Variants in KCNIP3 observed in about 807,000 individuals in gnomAD.
The protein encoded by KCNIP3 is calsenilin.
KCNIP3 carries 28 observed loss-of-function variants against 35.0 expected under a neutral mutation model. That is an observed-to-expected ratio of 0.80 (90% CI 0.59 to 1.10). The LOEUF is 1.10. Ranked by LOEUF, KCNIP3 falls within the 50% of genes least tolerant of loss-of-function variation. The pLI is 0.00. For synonymous variants in KCNIP3, 134 were observed against 133.8 expected (o/e 1.00, Z -0.01); for missense variants, 295 against 338.4 (o/e 0.87, Z 1.01).
At chr2:95,333,233 T>G (rs550844918) in intron 2 of KCNIP3, among the ~76,000 whole-genome samples, 6 of 152,248 alleles carry the variant, frequency 3.9e-5, no homozygotes, top group East Asian at 1.9e-4. Context: ...ACTATCTGCC[T>G]GCACCTCTAG....
At chr2:95,383,047 A>G (rs1680386398) in intron 7 of KCNIP3, among the ~76,000 whole-genome samples, 185 bp from the exon 8 acceptor site, 4 of 152,226 alleles carry the variant, frequency 2.6e-5, no homozygotes, top group Admixed American at 6.5e-5. Flanking sequence ...GGAGGTGGCT[A>G]TGAAGGGTGG....
At chr2:95,330,474 C>A (rs1226762538) in intron 2 of KCNIP3, among the ~76,000 whole-genome samples, 1 of 152,196 alleles carries the variant, frequency 6.6e-6, no homozygotes, top group East Asian at 1.9e-4. Context: ...AGCTCCACTA[C>A]CAACTTCACT....
chr2:95,380,555 C>T (rs995375612), intron 5 of KCNIP3, among the ~76,000 whole-genome samples: 4 of 152,148 alleles, frequency 2.6e-5, no homozygotes, highest in Non-Finnish European at 5.9e-5. Context: ...TTTAAACCTT[C>T]CAAGAGGTAG....
At chr2:95,316,869 T>C (rs2104219920) in intron 2 of KCNIP3, among the ~76,000 whole-genome samples, 2 of 152,346 alleles carry the variant, frequency 1.3e-5, no homozygotes, top group South Asian at 4.1e-4. Flanking sequence ...TTTTGATGAC[T>C]GAAGGCACTC....
chr2:95,352,982 C>T (rs945734644), intron 2 of KCNIP3, among the ~76,000 whole-genome samples: 1 of 152,212 alleles, frequency 6.6e-6, no homozygotes, highest in Non-Finnish European at 1.5e-5. Flanking sequence ...TTGGGGGTTC[C>T]CAGGCATCTG....
At chr2:95,379,126 A>T (rs1293002808) in intron 5 of KCNIP3, among the ~76,000 whole-genome samples, 1 of 151,452 alleles carries the variant, frequency 6.6e-6, no homozygotes, top group African/African-American at 2.4e-5. Context: ...CCGTCCCCCC[A>T]GCCCCCCACC....
At chr2:95,356,616 C>T (rs1273057508) in intron 2 of KCNIP3, among the ~76,000 whole-genome samples, 3 of 152,160 alleles carry the variant, frequency 2.0e-5, no homozygotes, top group Admixed American at 1.3e-4. Flanking sequence ...ATCGTTTCCC[C>T]ATTTCTTGTT....
intron 1 of KCNIP3, among the ~76,000 whole-genome samples, chr2:95,304,789 G>A (rs1678130564): frequency 6.6e-6 from 1 of 152,118 alleles, no homozygotes; most frequent in South Asian, 2.1e-4. Flanking sequence ...CATCACCCAC[G>A]CCATCTTTTT....
At chr2:95,303,811 G>C (rs1027017888) in intron 1 of KCNIP3, among the ~76,000 whole-genome samples, 21 of 152,228 alleles carry the variant, frequency 1.4e-4, no homozygotes, top group African/African-American at 4.8e-4. Flanking sequence ...ATCCGGATCA[G>C]TCCTGTCCAA....
chr2:95,324,783 C>T (rs1573490714), intron 2 of KCNIP3, among the ~76,000 whole-genome samples: 5 of 151,178 alleles, frequency 3.3e-5, no homozygotes, highest in South Asian at 2.1e-4. Flanking sequence ...TAGTGGCGGG[C>T]GCCTGTAGTC....
At chr2:95,325,009 A>C (rs1298033384) in intron 2 of KCNIP3, among the ~76,000 whole-genome samples, 1 of 152,214 alleles carries the variant, frequency 6.6e-6, no homozygotes, top group African/African-American at 2.4e-5. Flanking sequence ...TGGCTGGCTG[A>C]GGCTGGGCTG....
intron 2 of KCNIP3, among the ~76,000 whole-genome samples, chr2:95,325,109 C>T (rs1352671646): frequency 6.6e-6 from 1 of 152,080 alleles, no homozygotes; most frequent in African/African-American, 2.4e-5. Flanking sequence ...CTGGCTGGGC[C>T]CCTGCCAGCC....
chr2:95,310,313 C>T, intron 1 of KCNIP3, 42 bp from the exon 2 acceptor site: 1 of 1,613,130 alleles, frequency 6.2e-7, no homozygotes, highest in Non-Finnish European at 8.5e-7. Flanking sequence ...GGTCCCCCCT[C>T]TGAGCAGGGG....
At chr2:95,298,370 C>A (rs1473959539) in intron 1 of KCNIP3, among the ~76,000 whole-genome samples, 9 of 152,050 alleles carry the variant, frequency 5.9e-5, no homozygotes, top group Non-Finnish European at 1.3e-4. Context: ...TCAGGCCTGC[C>A]CTGTATCACC....
intron 2 of KCNIP3, among the ~76,000 whole-genome samples, chr2:95,335,855 T>C (rs1299052293): frequency 6.6e-6 from 1 of 152,222 alleles, no homozygotes; most frequent in Non-Finnish European, 1.5e-5. Context: ...ATATCCTCCT[T>C]AAATTCTTTT....
chr2:95,336,684 C>T lies in KCNIP3; in HGVS notation c.181+26164C>T, dbSNP rs1286791628. On this transcript the variant is annotated intron_variant, in intron 2 of 8. Coordinates refer to ENST00000295225, the MANE Select transcript of KCNIP3 (RefSeq NM_013434.5). The stretch of plus-strand genomic sequence containing the variant: ...TAAAGAGCATTGAGTTTTGTTTTGG[C>T]GAGCATTTAAATTCCTGGCAAATCA... 5.9e-5 allele frequency among the ~76,000 whole-genome samples: 9 copies of T among 152,138 alleles called. No individual in the cohort carries two copies. In the East Asian group the frequency reaches 1.7e-3, roughly 29 times the overall value.
chr2:95,369,376 A>AT (rs1679988801), intron 2 of KCNIP3, among the ~76,000 whole-genome samples: 1 of 152,158 alleles, frequency 6.6e-6, no homozygotes, highest in Non-Finnish European at 1.5e-5. Flanking sequence ...TTTGTTGAGA[A>AT]ATTTCACACC....
At chr2:95,353,210 G>A (rs1679571213) in intron 2 of KCNIP3, among the ~76,000 whole-genome samples, 1 of 152,216 alleles carries the variant, frequency 6.6e-6, no homozygotes, top group Non-Finnish European at 1.5e-5. Flanking sequence ...AGGAGGCAAG[G>A]CCCTGGGAAG....
At chr2:95,334,573 C>T (rs1268859288) in intron 2 of KCNIP3, among the ~76,000 whole-genome samples, 1 of 152,186 alleles carries the variant, frequency 6.6e-6, no homozygotes, top group Non-Finnish European at 1.5e-5. Flanking sequence ...CATGGTGGGC[C>T]TTGTACAAAC....
Sources: allele counts gnomAD v4.1 joint callset (sites outside exome capture counted in the v4.1 genomes callset), GRCh38; gene constraint gnomAD v4.1.1; transcripts MANE v1.5; gene names NCBI Gene and HGNC (gene_info 2026-07-23, HGNC 2026-07-21).